GNA12: variants seen among roughly 807,000 people sequenced by gnomAD.
The protein encoded by GNA12 is G protein subunit alpha 12.
Under a neutral mutation model 26.0 loss-of-function variants are expected in GNA12, and 9 were observed. The ratio of observed to expected loss-of-function variants is 0.35; its 90% CI spans 0.21 to 0.60. The LOEUF is 0.60. Ranked by LOEUF, GNA12 falls within the 20% of genes least tolerant of loss-of-function variation. The pLI is 0.78. For synonymous variants in GNA12, 264 were observed against 219.6 expected, an observed-to-expected ratio of 1.20 and a Z score of -1.79; for missense variants, 405 against 525.8, an observed-to-expected ratio of 0.77 and a Z score of 2.25.
At chr7:2,764,971 G>C (rs891931856) in intron 2 of GNA12, 2 of 152,226 alleles carry the variant, frequency 1.3e-5, no homozygotes, top group African/African-American at 4.8e-5. Flanking sequence ...CGGTGGAAAA[G>C]TAATAAGCAG....
intron 2 of GNA12, among the ~76,000 whole-genome samples, chr7:2,782,657 GT>G (rs770146440): frequency 4.8e-4 from 69 of 145,004 alleles, no homozygotes; most frequent in East Asian, 1.8e-3. Context: ...TAGTGTTTTG[GT>G]TTTTTTTTTT....
intron 2 of GNA12, among the ~76,000 whole-genome samples, chr7:2,736,183 T>G (rs1486738045): frequency 6.6e-6 from 1 of 152,164 alleles, no homozygotes; most frequent in Non-Finnish European, 1.5e-5. Context: ...AACTGAGATG[T>G]CCACATGAAA....
intron 1 of GNA12, among the ~76,000 whole-genome samples, chr7:2,807,382 C>A (rs1792974197): frequency 6.6e-6 from 1 of 151,994 alleles, no homozygotes; most frequent in Admixed American, 6.6e-5. Flanking sequence ...CTCTTGTTTC[C>A]AGTAAGAAAA....
chr7:2,752,378 TGTA>T (rs1458818379), intron 2 of GNA12, among the ~76,000 whole-genome samples: 1 of 152,106 alleles, frequency 6.6e-6, no homozygotes, highest in Admixed American at 6.5e-5. Context: ...TAACACTGGG[TGTA>T]AGGCAAGGAT....
At chr7:2,733,791 GGGACTCTCTTT>G (rs1790021667) in intron 2 of GNA12, among the ~76,000 whole-genome samples, 1 of 152,198 alleles carries the variant, frequency 6.6e-6, no homozygotes, top group Admixed American at 6.5e-5. Flanking sequence ...CCTCTGATGG[GGGACTCTCTTT>G]CCAGACATGA....
chr7:2,837,593 G>A (rs1027956251), intron 1 of GNA12, among the ~76,000 whole-genome samples: 3 of 152,142 alleles, frequency 2.0e-5, no homozygotes, highest in Non-Finnish European at 4.4e-5. Flanking sequence ...AGCCAGAGAG[G>A]AGCAATGCAT....
intron 2 of GNA12, among the ~76,000 whole-genome samples, chr7:2,792,077 AC>A (rs1792534776): frequency 6.6e-6 from 1 of 152,306 alleles, no homozygotes; most frequent in East Asian, 1.9e-4. Flanking sequence ...ACGACTACTG[AC>A]CCACCTGTGG....
intron 2 of GNA12, among the ~76,000 whole-genome samples, chr7:2,738,359 G>T (rs1562395735): frequency 6.6e-6 from 1 of 152,156 alleles, no homozygotes; most frequent in African/African-American, 2.4e-5. Context: ...GTCACTGCAG[G>T]AAACGTCTAG....
At chr7:2,764,619 T>G (rs1282583758) in intron 2 of GNA12, 2 of 152,284 alleles carry the variant, frequency 1.3e-5, no homozygotes, top group Non-Finnish European at 2.9e-5. Context: ...AGCCAGGGCC[T>G]GTCAGCTGGT....
intron 1 of GNA12, among the ~76,000 whole-genome samples, chr7:2,797,374 G>A (rs1393374792): frequency 6.6e-6 from 1 of 151,942 alleles, no homozygotes; most frequent in Admixed American, 6.6e-5. Flanking sequence ...AAACTCCTGA[G>A]CTCAACTGAT....
At position 2,801,400 on chromosome 7, in the gene GNA12, G is replaced by T. The variant is rs185189813; in HGVS notation, c.310-6257C>A. Reference sequence around the variant, plus strand: ...TGGAAGGCCAAAGGTCACTTACGAAGACTGCAGGACTGCACACACCAGGCC... The same window carrying T: ...TGGAAGGCCAAAGGTCACTTACGAATACTGCAGGACTGCACACACCAGGCC... On this transcript the variant is annotated intron_variant, in intron 1 of 3. Transcript: ENST00000275364. Among the ~76,000 whole-genome samples, 53 of 152,316 alleles carry T rather than the reference G, an allele frequency of 3.5e-4. 1 individual carries two copies. The East Asian group carries it at 0.01, about 29-fold the overall frequency.
intron 2 of GNA12, among the ~76,000 whole-genome samples, chr7:2,754,519 G>T (rs1354589220): frequency 1.3e-5 from 2 of 151,628 alleles, no homozygotes; most frequent in African/African-American, 4.9e-5. Context: ...AGGGCAGGAA[G>T]ATCCCTTGAG....
chr7:2,742,620 G>T (rs1435390426), intron 2 of GNA12, among the ~76,000 whole-genome samples: 1 of 152,132 alleles, frequency 6.6e-6, no homozygotes, highest in Non-Finnish European at 1.5e-5. Flanking sequence ...TTCCATATTA[G>T]TTCTAAAGTC....
intron 1 of GNA12, chr7:2,814,840 C>T (rs373415563): frequency 2.4e-4 from 373 of 1,585,578 alleles, no homozygotes; most frequent in Admixed American, 4.2e-4. Context: ...CCGACAGCAC[C>T]GGGTGTGCAC....
At chr7:2,838,397 T>A (rs1778899359) in intron 1 of GNA12, among the ~76,000 whole-genome samples, 1 of 151,896 alleles carries the variant, frequency 6.6e-6, no homozygotes, top group African/African-American at 2.4e-5. Context: ...AGTAACATAG[T>A]GGAACCCTAT....
Position 2,746,879 on chromosome 7 carries a change from T to C in GNA12, c.526-13378A>G, listed in dbSNP as rs573882418. 5.3e-5 allele frequency among the ~76,000 whole-genome samples: 8 copies of C among 152,340 alleles called. No homozygotes were observed. In the East Asian group the frequency reaches 1.3e-3, roughly 26 times the overall value. On this transcript the variant is annotated intron_variant, in intron 2 of 3. Coordinates refer to ENST00000275364, the MANE Select transcript of GNA12 (RefSeq NM_007353.3). ...AGAAATACAAACTACCATCAGAGAATACTATCAACACCTCTACGCAAATAA... is the reference window on the plus strand; with the variant it reads ...AGAAATACAAACTACCATCAGAGAACACTATCAACACCTCTACGCAAATAA...
intron 1 of GNA12, among the ~76,000 whole-genome samples, chr7:2,819,137 C>A (rs932127121): frequency 6.6e-6 from 1 of 152,094 alleles, no homozygotes; most frequent in African/African-American, 2.4e-5. Flanking sequence ...GTGAGCCGCT[C>A]GCTGCTGGTT....
intron 3 of GNA12, among the ~76,000 whole-genome samples, chr7:2,732,541 G>A (rs897318473): frequency 2.6e-5 from 4 of 152,100 alleles, no homozygotes; most frequent in Non-Finnish European, 5.9e-5. Context: ...GTGAGACCCT[G>A]TCTCAAAAAA....
intron 1 of GNA12, among the ~76,000 whole-genome samples, chr7:2,804,952 T>C (rs1055471245): frequency 1.3e-5 from 2 of 152,138 alleles, no homozygotes; most frequent in Non-Finnish European, 2.9e-5. Context: ...ATGTTCATTT[T>C]AGAAAGGCTG....
Sources: allele counts gnomAD v4.1 joint callset (sites outside exome capture counted in the v4.1 genomes callset), GRCh38; gene constraint gnomAD v4.1.1; transcripts MANE v1.5; gene names NCBI Gene and HGNC (gene_info 2026-07-23, HGNC 2026-07-21).